Variants in WDR18 observed in about 807,000 individuals in gnomAD.
WDR18 encodes the protein WD repeat domain 18, also known as WD repeat-containing protein 18.
Under a neutral mutation model 49.6 loss-of-function variants are expected in WDR18, and 33 were observed. The ratio of observed to expected loss-of-function variants is 0.67; its 90% confidence interval spans 0.50 to 0.89. The LOEUF (loss-of-function observed/expected upper bound fraction) is 0.89. Among genes scored for constraint, WDR18 ranks in the 40% least tolerant of loss-of-function variants. The pLI, the probability that WDR18 is intolerant of heterozygous loss-of-function variation, is 0.00. For synonymous variants in WDR18, 315 were observed against 263.6 expected, an observed-to-expected ratio of 1.19 and a Z score of -1.89; for missense variants, 653 against 593.6, an observed-to-expected ratio of 1.10 and a Z score of -1.04.
intron 2 of WDR18, among the ~76,000 whole-genome samples, chr19:988,072 C>T (rs11669755): frequency 0.46 from 69,259 of 151,442 alleles, 16,614 homozygotes; most frequent in Non-Finnish European, 0.54. Flanking sequence ...TCAGGTGATC[C>T]GCCCTTCTCA....
chr19:990,604 T>A, intron 4 of WDR18: 1 of 802,104 alleles, frequency 1.2e-6, no homozygotes, highest in Non-Finnish European at 1.9e-6. Context: ...AGGTCATCAC[T>A]ATGCTTGAGT....
chr19:987,161 G>A (rs544054833), intron 2 of WDR18, among the ~76,000 whole-genome samples: 43 of 152,292 alleles, frequency 2.8e-4, no homozygotes, highest in African/African-American at 1.0e-3. Context: ...TGGGTAACAT[G>A]GTGAAAACCC....
intron 7 of WDR18, 107 bp from the exon 8 acceptor site, chr19:991,848 C>T (rs1183130889): frequency 1.9e-6 from 2 of 1,055,740 alleles, no homozygotes; most frequent in Non-Finnish European, 2.3e-6. Flanking sequence ...GGCTGTGGGG[C>T]GGGGACTGGC....
rs942952716 is a variant in WDR18, at chr19:994,027, A to C, written c.1106A>C (p.Glu369Ala). Residue 369 changes from glutamate (E) to alanine (A), a missense_variant, in exon 9 of 10, where the codon GAG (glutamate) becomes GCG (alanine). By Grantham distance (107) the Glu-to-Ala change is moderately radical. Transcript: ENST00000585809. The stretch of plus-strand genomic sequence containing the variant: ...TGGCTCCCTGTGTTACAGGGCTCGG[A>C]GCCCAGCTACCTGGACCGCACGGAG... The part of the protein sequence containing the change: ...LRLGLHQQGS[E>A]PSYLDRTEQL... The C allele has an allele frequency of 1.1e-5, 17 of 1,555,354 alleles. No homozygotes were observed. Among genetic ancestry groups the C allele is most frequent in the Non-Finnish European group, 1.4e-5 (16 of 1,150,506 alleles).
chr19:991,013 C>CGGGCTGCACCCTGCCCTG lies in WDR18; in HGVS notation c.741+25_741+42dup. ...TCACCTGGGTGAGTGCCGCGGTCTG[C>CGGGCTGCACCCTGCCCTG]GGGCTGCACCCTGCCCTGGGGCTGA... is the stretch of plus-strand genomic sequence containing the variant. On this transcript the variant is annotated intron_variant, in intron 5 of 9. Coordinates refer to ENST00000585809, the MANE Select transcript of WDR18 (RefSeq NM_024100.4). 1.2e-6 allele frequency: 2 copies of CGGGCTGCACCCTGCCCTG among 1,600,934 alleles called. No individual in the cohort carries two copies. The highest frequency in any genetic ancestry group is 1.7e-6 in the Non-Finnish European group (2 of 1,172,864).
upstream of WDR18, among the ~76,000 whole-genome samples, chr19:983,509 A>T (rs1343184906): frequency 1.4e-5 from 2 of 147,172 alleles, no homozygotes; most frequent in African/African-American, 5.0e-5. Flanking sequence ...TAATCCACCC[A>T]CCTCGGCCTC....
Position 991,150 on chromosome 19 carries a change from G to T in WDR18, c.806+5G>T. ...GAAGGTCTTCAAAGGGCACAGGTGG[G>T]GACGTGGGAACGGGGCGGGGGCTCC... is the stretch of plus-strand genomic sequence containing the variant. On this transcript the variant is annotated splice_donor_5th_base_variant and intron_variant, in intron 6 of 9. Coordinates refer to ENST00000585809, the MANE Select transcript of WDR18 (RefSeq NM_024100.4). 1 of 1,568,286 alleles carries T rather than the reference G, an allele frequency of 6.4e-7. No homozygotes were observed. Among genetic ancestry groups the T allele is most frequent in the African/African-American group, 1.4e-5 (1 of 73,704 alleles).
In WDR18 at chr19:984,544, C is replaced by T. The variant is rs2145500421; in HGVS notation, c.191C>T (p.Ala64Val). ...CAGCTGGGCAAGAATTACATCAGCG[C>T]CTGGGAGCTCCAGCGGAAGGTGCGG... is the stretch of plus-strand genomic sequence containing the variant. Reference protein sequence around the residue: ...AAQLGKNYISAWELQRKDQLQ... With the variant: ...AAQLGKNYISVWELQRKDQLQ... Residue 64 changes from alanine (A) to valine (V), a missense_variant, in exon 1 of 10, where the codon GCC becomes GTC. Coordinates refer to ENST00000585809, the MANE Select transcript of WDR18 (RefSeq NM_024100.4). 3.3e-6 allele frequency: 5 copies of T among 1,508,796 alleles called. No homozygotes were observed. Among genetic ancestry groups the T allele is most frequent in the East Asian group, 2.7e-5 (1 of 37,270 alleles). 93.5% of individuals were successfully genotyped at this position (1,508,796 alleles called of 1,614,324 possible).
chr19:991,334 G>C lies in WDR18; in HGVS notation c.914G>C (p.Arg305Pro). The C allele has an allele frequency of 6.4e-7, 1 of 1,555,714 alleles. No homozygotes were observed. The highest frequency in any genetic ancestry group is 8.7e-7 in the Non-Finnish European group (1 of 1,150,056). The change falls in exon 7 of 10, where the codon CGG (arginine) becomes CCG (proline). Residue 305 changes from arginine to proline, a missense_variant. Transcript: ENST00000585809. ...LWDVQSKQCI[R>P]TVALKGPVTN... ...GACGTGCAGAGCAAGCAGTGCATCC[G>C]GACGGTGGCCCTCAAAGGTGGGCGC... is the stretch of plus-strand genomic sequence containing the variant.
At chr19:990,699 C>A in intron 4 of WDR18, 153 bp from the exon 5 acceptor site, 1 of 1,189,788 alleles carries the variant, frequency 8.4e-7, no homozygotes, top group Non-Finnish European at 1.1e-6. Context: ...GTCCCCTGGC[C>A]CCCAAGACCC....
intron 2 of WDR18, 93 bp from the exon 3 acceptor site, chr19:989,669 T>C: frequency 1.9e-6 from 3 of 1,549,580 alleles, no homozygotes; most frequent in Non-Finnish European, 2.6e-6. Flanking sequence ...AGTGTGGCCA[T>C]GGCCGTGCAG....
chr19:987,721 C>T (rs1452449977), intron 2 of WDR18, among the ~76,000 whole-genome samples: 2 of 151,810 alleles, frequency 1.3e-5, no homozygotes, highest in East Asian at 3.9e-4. Flanking sequence ...TTAAATGTGT[C>T]ATCGCCCCAT....
rs777710863 is a variant in WDR18, at chr19:984,543, G to A, written c.190G>A (p.Ala64Thr). The change falls in exon 1 of 10, where the codon GCC (alanine) becomes ACC (threonine). Residue 64 changes from alanine to threonine, a missense_variant. Physicochemically the swap from Ala to Thr is moderately conservative, Grantham distance 58 (BLOSUM62 0). Coordinates refer to ENST00000585809, the MANE Select transcript of WDR18 (RefSeq NM_024100.4). Reference sequence around the variant, plus strand: ...GCAGCTGGGCAAGAATTACATCAGCGCCTGGGAGCTCCAGCGGAAGGTGCG... The same window carrying A: ...GCAGCTGGGCAAGAATTACATCAGCACCTGGGAGCTCCAGCGGAAGGTGCG... ...AAQLGKNYIS[A>T]WELQRKDQLQ... is the part of the protein sequence containing the mutation. 2 of 1,510,482 alleles carry A rather than the reference G, an allele frequency of 1.3e-6. No individual in the cohort carries two copies. Among genetic ancestry groups the A allele is most frequent in the Non-Finnish European group, 1.8e-6 (2 of 1,128,142 alleles). 93.6% of individuals were successfully genotyped at this position (1,510,482 alleles called of 1,614,324 possible).
chr19:984,300 G>C (rs1005217399), upstream of WDR18: 27 of 1,494,348 alleles, frequency 1.8e-5, no homozygotes, highest in South Asian at 1.0e-4. Flanking sequence ...GCGTGGGGCA[G>C]TCGTCCGCGT....
chr19:987,301 C>T (rs1313438867), intron 2 of WDR18, among the ~76,000 whole-genome samples: 1 of 152,164 alleles, frequency 6.6e-6, no homozygotes. Context: ...TGAGATTGTA[C>T]CACTGCACTC....
At chr19:992,151 C>T (rs1303427816) in intron 8 of WDR18, 30 bp downstream of exon 8, 4 of 1,424,396 alleles carry the variant, frequency 2.8e-6, no homozygotes, top group Admixed American at 2.8e-5. Flanking sequence ...ACCCCCACTG[C>T]CCTTTTGTCC....
chr19:990,693 C>G (rs1217151846), intron 4 of WDR18, 159 bp from the exon 5 acceptor site: 2 of 1,147,438 alleles, frequency 1.7e-6, no homozygotes, highest in Non-Finnish European at 2.4e-6. Flanking sequence ...GGCCATGTCC[C>G]CTGGCCCCCA....
intron 7 of WDR18, 73 bp from the exon 8 acceptor site, chr19:991,881 TG>T: frequency 7.9e-7 from 1 of 1,264,182 alleles, no homozygotes; most frequent in Non-Finnish European, 9.8e-7. Flanking sequence ...CTGCCCTGGA[TG>T]GGGCGGAACT....
intron 2 of WDR18, among the ~76,000 whole-genome samples, chr19:988,420 G>T (rs2038499012): frequency 6.6e-6 from 1 of 152,194 alleles, no homozygotes. Flanking sequence ...CCTGGGCAGT[G>T]GTGGTCACCA....
Sources: allele counts gnomAD v4.1 joint callset (sites outside exome capture counted in the v4.1 genomes callset), GRCh38; gene constraint gnomAD v4.1.1; transcripts MANE v1.5; gene names NCBI Gene and HGNC (gene_info 2026-07-23, HGNC 2026-07-21).